ERBB4: variants seen among roughly 807,000 people sequenced by gnomAD.
ERBB4 encodes receptor tyrosine-protein kinase erbB-4.
A neutral mutation model predicts 158.0 loss-of-function variants in ERBB4; 42 were observed. That is an observed-to-expected ratio of 0.27 (90% confidence interval 0.21 to 0.34). ERBB4 has a LOEUF of 0.34. ERBB4 is among the 10% of genes least tolerant of loss of function. The pLI is 1.00. For missense variants in ERBB4, 1,333 were observed against 1,624.1 expected (o/e 0.82, Z 3.08); for synonymous variants, 583 against 558.7 (o/e 1.04, Z -0.61).
chr2:212,014,501 C>T (rs1036208646), intron 2 of ERBB4, among the ~76,000 whole-genome samples: 1 of 151,970 alleles, frequency 6.6e-6, no homozygotes, highest in African/African-American at 2.4e-5. Context: ...TAGGTAGATG[C>T]TAAAAAAAAT....
chr2:211,957,218 T>C (rs1434234542), intron 2 of ERBB4, among the ~76,000 whole-genome samples: 1 of 152,016 alleles, frequency 6.6e-6, no homozygotes, highest in Non-Finnish European at 1.5e-5. Flanking sequence ...AAGAGGTAAT[T>C]AGGCTAAATT....
At chr2:211,832,353 C>T (rs770549839) in intron 3 of ERBB4, among the ~76,000 whole-genome samples, 9 of 151,980 alleles carry the variant, frequency 5.9e-5, no homozygotes, top group Non-Finnish European at 1.3e-4. Context: ...TAGAGCATAG[C>T]ACTCTTCACA....
intron 1 of ERBB4, among the ~76,000 whole-genome samples, chr2:212,220,766 G>C (rs2083266589): frequency 6.6e-6 from 1 of 151,414 alleles, no homozygotes; most frequent in African/African-American, 2.4e-5. Flanking sequence ...AAAATTTTCT[G>C]ACCAAGCTAT....
At chr2:211,415,152 T>C (rs2063358818) in intron 25 of ERBB4, among the ~76,000 whole-genome samples, 1 of 136,160 alleles carries the variant, frequency 7.3e-6, no homozygotes. Flanking sequence ...AGTCTCGCTC[T>C]GTCGCCCAGG....
At chr2:212,273,742 G>A (rs1020003426) in intron 1 of ERBB4, among the ~76,000 whole-genome samples, 4 of 151,714 alleles carry the variant, frequency 2.6e-5, no homozygotes, top group African/African-American at 9.7e-5. Flanking sequence ...TCACATATAT[G>A]TTGCTGATTA....
chr2:212,206,589 C>CTTTTCTTTTTTTTTTTTTTTTTTTTTTTT (rs2082754707), intron 1 of ERBB4, among the ~76,000 whole-genome samples: 1 of 116,448 alleles, frequency 8.6e-6, no homozygotes, highest in Admixed American at 8.0e-5. Context: ...CTGTTCTGTT[C>CTTTTCTTTTTTTTTTTTTTTTTTTTTTTT]TTTTTTTTTT....
chr2:212,150,398 A>G (rs2080828874), intron 1 of ERBB4, among the ~76,000 whole-genome samples: 1 of 152,172 alleles, frequency 6.6e-6, no homozygotes, highest in Admixed American at 6.6e-5. Flanking sequence ...ACTTCAGAAT[A>G]ATTTCATTTT....
intron 3 of ERBB4, among the ~76,000 whole-genome samples, chr2:211,835,292 A>G (rs1435861035): frequency 1.4e-5 from 2 of 140,572 alleles, no homozygotes; most frequent in Non-Finnish European, 3.2e-5. Context: ...GAATATTTAG[A>G]AATGCATGGC....
At chr2:211,973,037 G>T (rs763667707) in intron 2 of ERBB4, among the ~76,000 whole-genome samples, 1 of 151,208 alleles carries the variant, frequency 6.6e-6, no homozygotes, top group African/African-American at 2.4e-5. Context: ...AAGGTCTAAT[G>T]TCCAGTATCT....
intron 2 of ERBB4, among the ~76,000 whole-genome samples, chr2:211,987,112 G>A (rs943375780): frequency 6.6e-6 from 1 of 151,994 alleles, no homozygotes; most frequent in African/African-American, 2.4e-5. Context: ...CCTGAGGTCA[G>A]AAGTTGAAGG....
intron 20 of ERBB4, among the ~76,000 whole-genome samples, chr2:211,449,281 T>G (rs2064185628): frequency 6.6e-6 from 1 of 152,176 alleles, no homozygotes; most frequent in African/African-American, 2.4e-5. Context: ...GAAACTGGTA[T>G]GAAAATAAGA....
At chr2:211,974,642 T>C (rs1227704982) in intron 2 of ERBB4, among the ~76,000 whole-genome samples, 1 of 152,152 alleles carries the variant, frequency 6.6e-6, no homozygotes, top group South Asian at 2.1e-4. Context: ...CTACTCCATA[T>C]ACTTTGGGAG....
chr2:212,471,264 A>G (rs1488449168), intron 1 of ERBB4, among the ~76,000 whole-genome samples: 1 of 152,154 alleles, frequency 6.6e-6, no homozygotes, highest in East Asian at 1.9e-4. Flanking sequence ...GAAATATTTT[A>G]TTACTTAAAT....
chr2:212,282,403 T>TC (rs755589632), intron 1 of ERBB4, among the ~76,000 whole-genome samples: 15 of 151,900 alleles, frequency 9.9e-5, no homozygotes, highest in Non-Finnish European at 2.1e-4. Context: ...AAAAAATATT[T>TC]CTCTTTATCA....
intron 5 of ERBB4, among the ~76,000 whole-genome samples, chr2:211,739,417 T>G (rs1161721074): frequency 6.6e-6 from 1 of 152,186 alleles, no homozygotes; most frequent in Non-Finnish European, 1.5e-5. Flanking sequence ...TAATACTTGA[T>G]AGGGAAAATG....
intron 27 of ERBB4, among the ~76,000 whole-genome samples, chr2:211,386,482 G>T (rs910745134): frequency 6.6e-6 from 1 of 152,044 alleles, no homozygotes; most frequent in Admixed American, 6.5e-5. Context: ...TCTGATCTCC[G>T]CAATTAAGTC....
chr2:211,934,859 T>G (rs1191178150), intron 3 of ERBB4, among the ~76,000 whole-genome samples: 2 of 145,936 alleles, frequency 1.4e-5, no homozygotes, highest in African/African-American at 2.5e-5. Flanking sequence ...TTATACAATC[T>G]GTATCTCTTT....
At chr2:211,567,350 A>T (rs2067578565) in intron 19 of ERBB4, among the ~76,000 whole-genome samples, 5 of 152,194 alleles carry the variant, frequency 3.3e-5, no homozygotes. Context: ...TACCTGCATG[A>T]ATTGGGTCAA....
At chr2:211,573,657 G>A (rs956197133) in intron 19 of ERBB4, among the ~76,000 whole-genome samples, 2 of 151,740 alleles carry the variant, frequency 1.3e-5, no homozygotes, top group Admixed American at 1.3e-4. Context: ...GTGACAGAGC[G>A]AGACTCCGTC....
Sources: allele counts gnomAD v4.1 joint callset (sites outside exome capture counted in the v4.1 genomes callset), GRCh38; gene constraint gnomAD v4.1.1; transcripts MANE v1.5; gene names NCBI Gene and HGNC (gene_info 2026-07-23, HGNC 2026-07-21).